PCDHA7: variants seen among roughly 807,000 people sequenced by gnomAD.
The protein encoded by PCDHA7 is protocadherin alpha-7.
PCDHA7 carries 37 observed loss-of-function variants against 57.2 expected under a neutral mutation model. The ratio of observed to expected loss-of-function variants is 0.65; its 90% CI spans 0.50 to 0.85. PCDHA7 has a LOEUF of 0.85. PCDHA7 is among the 40% of genes least tolerant of loss of function. The pLI is 0.00. For synonymous variants in PCDHA7, 553 were observed against 558.8 expected, an observed-to-expected ratio of 0.99 and a Z score of 0.15; for missense variants, 1,188 against 1,241.8, an observed-to-expected ratio of 0.96 and a Z score of 0.65.
chr5:140,876,883 G>T (rs192756440), intron 1 of PCDHA7: 45 of 1,614,016 alleles, frequency 2.8e-5, no homozygotes, highest in Non-Finnish European at 3.6e-5. Context: ...CAACCCGCCG[G>T]GCTGCCACAT....
At chr5:140,941,222 T>C (rs147673675) in intron 1 of PCDHA7, among the ~76,000 whole-genome samples, 3 of 116,858 alleles carry the variant, frequency 2.6e-5, no homozygotes, top group African/African-American at 6.4e-5. Flanking sequence ...TTCCTTTCTT[T>C]CTTTCTTTCT....
rs1284021507 is a variant in PCDHA7, at chr5:140,883,838, G to C, written c.2355+47100G>C. The C allele has an allele frequency of 6.2e-7, 1 of 1,612,620 alleles. No individual in the cohort carries two copies. The highest frequency in any genetic ancestry group is 8.5e-7 in the Non-Finnish European group (1 of 1,179,840). On this transcript the variant is annotated intron_variant, in intron 1 of 3. Coordinates refer to ENST00000525929, the MANE Select transcript of PCDHA7 (RefSeq NM_018910.3). ...CAAGGTGTACGCGCTGCAGCCGTTG[G>C]ACCACGAGGAGCTGGAGCTGTTGCA...
intron 1 of PCDHA7, among the ~76,000 whole-genome samples, chr5:140,925,287 A>G (rs905857397): frequency 4.7e-4 from 72 of 152,294 alleles, no homozygotes; most frequent in African/African-American, 1.7e-3. Context: ...TGCCTTTCAA[A>G]TGTTTCATTA....
chr5:140,974,994 A>C (rs901871984), intron 1 of PCDHA7, among the ~76,000 whole-genome samples: 8 of 152,126 alleles, frequency 5.3e-5, no homozygotes, highest in African/African-American at 1.9e-4. Flanking sequence ...AGGTATTCTC[A>C]AGGCTGAAAT....
chr5:140,951,084 T>C (rs190031878), intron 1 of PCDHA7, among the ~76,000 whole-genome samples: 2 of 152,168 alleles, frequency 1.3e-5, no homozygotes, highest in African/African-American at 4.8e-5. Context: ...ATATTTTCCT[T>C]TTTTTCTGAT....
chr5:140,923,189 C>T (rs1452451112), intron 1 of PCDHA7, among the ~76,000 whole-genome samples: 4 of 152,092 alleles, frequency 2.6e-5, no homozygotes, highest in Admixed American at 6.5e-5. Context: ...GCATCTACTG[C>T]AGCAATTTGG....
At chr5:140,938,618 C>A (rs925273700) in intron 1 of PCDHA7, among the ~76,000 whole-genome samples, 1 of 152,138 alleles carries the variant, frequency 6.6e-6, no homozygotes, top group East Asian at 1.9e-4. Flanking sequence ...TTGGAATAAA[C>A]TCAGGTTGCT....
chr5:140,971,468 A>C (rs938390548), intron 1 of PCDHA7, among the ~76,000 whole-genome samples: 7 of 152,174 alleles, frequency 4.6e-5, no homozygotes, highest in African/African-American at 7.2e-5. Context: ...AGTTATAGGG[A>C]GAGAGTGTCA....
At chr5:140,917,037 GCA>G (rs2077840325) in intron 1 of PCDHA7, among the ~76,000 whole-genome samples, 1 of 152,268 alleles carries the variant, frequency 6.6e-6, no homozygotes, top group African/African-American at 2.4e-5. Context: ...GCTGAGTCCA[GCA>G]CAGTGTTGTT....
intron 1 of PCDHA7, chr5:140,848,580 G>T: frequency 6.3e-7 from 1 of 1,595,144 alleles, no homozygotes; most frequent in Non-Finnish European, 8.6e-7. Context: ...GGTGGGGAGC[G>T]GCCAGCTCCA....
At chr5:140,994,717 A>G (rs1350882833) in intron 3 of PCDHA7, among the ~76,000 whole-genome samples, 4 of 152,164 alleles carry the variant, frequency 2.6e-5, no homozygotes, top group African/African-American at 9.6e-5. Context: ...AAAAAAATTT[A>G]AAATACTGGG....
intron 1 of PCDHA7, among the ~76,000 whole-genome samples, chr5:140,953,914 T>A (rs1554221128): frequency 6.6e-6 from 1 of 152,134 alleles, no homozygotes; most frequent in South Asian, 2.1e-4. Context: ...ATCCATTAGG[T>A]ATTCTTCCTG....
chr5:140,862,480 G>A (rs1293172271), intron 1 of PCDHA7: 1 of 381,094 alleles, frequency 2.6e-6, no homozygotes, highest in East Asian at 7.1e-5. Flanking sequence ...TCTATCCATT[G>A]TTGGTAATCG....
chr5:140,856,185 G>C, intron 1 of PCDHA7: 1 of 1,598,160 alleles, frequency 6.3e-7, no homozygotes. Context: ...TTCGTGGGCC[G>C]CATCGCGCAG....
At chr5:140,884,181 A>G in intron 1 of PCDHA7, 1 of 1,613,332 alleles carries the variant, frequency 6.2e-7, no homozygotes, top group Non-Finnish European at 8.5e-7. Context: ...CGCCCTCTGG[A>G]CGAGGTGGAC....
chr5:140,849,121 A>G (rs2150430770), intron 1 of PCDHA7: 7 of 1,407,396 alleles, frequency 5.0e-6, no homozygotes, highest in Non-Finnish European at 1.9e-6. Context: ...CCGGAGCTTC[A>G]TTTATTGCTC....
chr5:140,835,455 C>T lies in PCDHA7; in HGVS notation c.1072C>T (p.Pro358Ser). 2.5e-6 allele frequency: 4 copies of T among 1,613,900 alleles called. No homozygotes were observed. The highest frequency in any genetic ancestry group is 3.4e-6 in the Non-Finnish European group (4 of 1,179,846). ...GTTGACTCTCACTTCCCTGTCTCTC[C>T]CTATTCCAGAGGACGCCCAACCAGG... is the stretch of plus-strand genomic sequence containing the variant. ...PQLTLTSLSL[P>S]IPEDAQPGTV... The change falls in exon 1 of 4, where the codon CCT becomes TCT. Residue 358 changes from proline (P) to serine (S), a missense_variant. Physicochemically the swap from Pro to Ser is moderately conservative, Grantham distance 74. This residue lies in a region of PCDHA7 where 892 missense variants were observed against 788.5 expected (regional missense o/e 1.13). Coordinates refer to ENST00000525929, the MANE Select transcript of PCDHA7 (RefSeq NM_018910.3).
intron 1 of PCDHA7, among the ~76,000 whole-genome samples, chr5:140,907,844 C>T (rs1402744978): frequency 1.3e-5 from 2 of 152,218 alleles, no homozygotes; most frequent in African/African-American, 4.8e-5. Context: ...TATTAAAATC[C>T]TCCTCTGCTG....
intron 1 of PCDHA7, chr5:140,882,163 GC>G: frequency 6.6e-7 from 1 of 1,509,690 alleles, no homozygotes; most frequent in Non-Finnish European, 8.9e-7. Flanking sequence ...AATACCTCTT[GC>G]GAATCCTTCC....
Sources: allele counts gnomAD v4.1 joint callset (sites outside exome capture counted in the v4.1 genomes callset), GRCh38; gene constraint gnomAD v4.1.1; regional missense constraint gnomAD v4.1.1; transcripts MANE v1.5; gene names NCBI Gene and HGNC (gene_info 2026-07-23, HGNC 2026-07-21).